PTPRN2: variants seen among roughly 807,000 people sequenced by gnomAD.
PTPRN2 encodes protein tyrosine phosphatase receptor type N2, also known as receptor-type tyrosine-protein phosphatase N2.
Under a neutral mutation model 118.8 loss-of-function variants are expected in PTPRN2, and 74 were observed. That is an observed-to-expected ratio of 0.62 (90% CI 0.52 to 0.76). PTPRN2 has a LOEUF of 0.76. PTPRN2 is among the 30% of genes least tolerant of loss of function. The pLI is 0.00. For missense variants in PTPRN2, 1,481 were observed against 1,394.4 expected (o/e 1.06, Z -0.99); for synonymous variants, 641 against 608.0 (o/e 1.05, Z -0.80).
intron 2 of PTPRN2, among the ~76,000 whole-genome samples, chr7:158,406,953 C>T (rs1813492291): frequency 6.6e-6 from 1 of 152,200 alleles, no homozygotes; most frequent in Non-Finnish European, 1.5e-5. Context: ...CTGTCCTGCA[C>T]AGGCCTCGCC....
chr7:158,281,418 G>A (rs1324742390), intron 3 of PTPRN2, among the ~76,000 whole-genome samples: 1 of 152,220 alleles, frequency 6.6e-6, no homozygotes, highest in African/African-American at 2.4e-5. Flanking sequence ...CATGCTTTGT[G>A]TGTTTTCATC....
At chr7:158,247,905 C>T (rs144802807) in intron 3 of PTPRN2, among the ~76,000 whole-genome samples, 187 of 152,236 alleles carry the variant, frequency 1.2e-3, no homozygotes, top group African/African-American at 4.0e-3. Flanking sequence ...CATGATCCAC[C>T]GCGCCCAGCC....
chr7:157,800,540 G>T (rs1284983964), intron 12 of PTPRN2, among the ~76,000 whole-genome samples: 2 of 152,158 alleles, frequency 1.3e-5, no homozygotes, highest in African/African-American at 4.8e-5. Flanking sequence ...GAACACCCTC[G>T]TACGGACGTT....
In PTPRN2 at chr7:157,878,433, G is replaced by A. The variant is rs1444296218; in HGVS notation, c.1788+20240C>T. 1.5e-3 allele frequency among the ~76,000 whole-genome samples: 173 copies of A among 112,778 alleles called. 3 individuals carry two copies. The highest frequency in any genetic ancestry group is 5.0e-3 in the African/African-American group (142 of 28,486). The allele number at this position is 112,778 out of a possible 152,430, so 74.0% of individuals were successfully genotyped here. On this transcript the variant is annotated intron_variant, in intron 12 of 22. Coordinates refer to ENST00000389418, the MANE Select transcript of PTPRN2 (RefSeq NM_002847.5). Reference sequence around the variant, plus strand: ...GGTCAGTGTGATACCGTGCACCCACGCTTACTCACCGAGGAGCTCTCGGAT... The same window carrying A: ...GGTCAGTGTGATACCGTGCACCCACACTTACTCACCGAGGAGCTCTCGGAT...
At chr7:158,469,124 A>ACACACACTCC (rs1445461216) in intron 2 of PTPRN2, among the ~76,000 whole-genome samples, 1 of 80,342 alleles carries the variant, frequency 1.2e-5, no homozygotes, top group Non-Finnish European at 2.8e-5. Flanking sequence ...CAACAGTGTC[A>ACACACACTCC]GGCTTTCAGA....
chr7:157,926,958 GC>G (rs1799030491), intron 11 of PTPRN2, among the ~76,000 whole-genome samples: 1 of 118,862 alleles, frequency 8.4e-6, no homozygotes, highest in African/African-American at 3.5e-5. Context: ...GTCTGCTGGG[GC>G]CCTGAACACA....
At chr7:157,804,991 G>A (rs1585514846) in intron 12 of PTPRN2, among the ~76,000 whole-genome samples, 1 of 152,222 alleles carries the variant, frequency 6.6e-6, no homozygotes, top group East Asian at 1.9e-4. Context: ...TGAGCTCTCA[G>A]AGGGATGCGC....
intron 11 of PTPRN2, among the ~76,000 whole-genome samples, chr7:157,951,913 C>G (rs1800836869): frequency 2.0e-5 from 3 of 152,150 alleles, no homozygotes; most frequent in Admixed American, 1.3e-4. Context: ...CCTGTCTGGC[C>G]TGGGCGCCCA....
intron 10 of PTPRN2, among the ~76,000 whole-genome samples, chr7:158,086,381 C>T (rs1310285110): frequency 1.3e-5 from 2 of 152,232 alleles, no homozygotes; most frequent in African/African-American, 4.8e-5. Context: ...TTAAACCCCT[C>T]ACTCAGCCAC....
intron 12 of PTPRN2, chr7:157,739,265 C>T (rs1215408903): frequency 6.6e-6 from 1 of 152,216 alleles, no homozygotes; most frequent in East Asian, 1.9e-4. Flanking sequence ...CTGAATTACC[C>T]ACATAACAGC....
At chr7:158,135,615 G>A (rs752242398) in intron 8 of PTPRN2, among the ~76,000 whole-genome samples, 3 of 152,154 alleles carry the variant, frequency 2.0e-5, no homozygotes, top group Non-Finnish European at 2.9e-5. Flanking sequence ...TTAGGCTAAC[G>A]GCAGCCCCCC....
intron 12 of PTPRN2, among the ~76,000 whole-genome samples, chr7:157,885,236 C>A (rs78088955): frequency 0.013 from 2,042 of 152,262 alleles, 33 homozygotes; most frequent in Middle Eastern, 0.048. Context: ...GCTGGAACGA[C>A]AGCCCCCACC....
At chr7:158,232,251 G>T (rs145422744) in intron 3 of PTPRN2, among the ~76,000 whole-genome samples, 104 of 151,976 alleles carry the variant, frequency 6.8e-4, no homozygotes, top group African/African-American at 2.5e-3. Context: ...AATAAATAAA[G>T]TCAGAAATGA....
chr7:158,502,717 T>C (rs556244009), intron 1 of PTPRN2, among the ~76,000 whole-genome samples: 6 of 152,366 alleles, frequency 3.9e-5, no homozygotes, highest in East Asian at 3.9e-4. Flanking sequence ...GAAAATAGAT[T>C]CTTTTCTTGT....
At chr7:157,771,698 AACAC>A (rs556705166) in intron 12 of PTPRN2, among the ~76,000 whole-genome samples, 2 of 151,172 alleles carry the variant, frequency 1.3e-5, no homozygotes. Flanking sequence ...CAGACACACA[AACAC>A]ACAGACACAC....
intron 13 of PTPRN2, among the ~76,000 whole-genome samples, chr7:157,673,307 C>A (rs931877251): frequency 6.6e-6 from 1 of 152,172 alleles, no homozygotes; most frequent in Non-Finnish European, 1.5e-5. Context: ...TACAGGTGAG[C>A]CCCTGTGCCA....
chr7:157,837,154 T>TCCATGTGTCCCTCCACCCAC (rs1808016745), intron 12 of PTPRN2, among the ~76,000 whole-genome samples: 1 of 132,224 alleles, frequency 7.6e-6, no homozygotes, highest in Non-Finnish European at 1.6e-5. Context: ...CATCCGCCCT[T>TCCATGTGTCCCTCCACCCAC]CCGTGTGTCC....
At chr7:158,342,958 C>G (rs1441798269) in intron 2 of PTPRN2, among the ~76,000 whole-genome samples, 1 of 152,170 alleles carries the variant, frequency 6.6e-6, no homozygotes, top group Admixed American at 6.5e-5. Context: ...TTCTTTTCAG[C>G]CAGCACATGC....
intron 1 of PTPRN2, among the ~76,000 whole-genome samples, chr7:158,501,288 G>A (rs374366464): frequency 2.0e-5 from 3 of 152,232 alleles, no homozygotes; most frequent in East Asian, 1.9e-4. Context: ...CCCCGCCCGG[G>A]GCTACAGCCA....
Sources: gnomAD v4.1 joint callset for allele counts (sites outside exome capture counted in the v4.1 genomes callset) on GRCh38, gnomAD v4.1.1 for gene constraint, MANE v1.5 for transcripts, NCBI Gene and HGNC (gene_info 2026-07-23, HGNC 2026-07-21) for gene names.